IQSEC1: variants seen among roughly 807,000 people sequenced by gnomAD.
The protein encoded by IQSEC1 is IQ motif and Sec7 domain ArfGEF 1, also known as IQ motif and SEC7 domain-containing protein 1.
A neutral mutation model predicts 91.0 loss-of-function variants in IQSEC1; 31 were observed. The observed-to-expected ratio is 0.34, with a 90% CI of 0.26 to 0.46. The LOEUF (loss-of-function observed/expected upper bound fraction) is 0.46, where lower values mean the gene tolerates loss of function less well. Ranked by LOEUF, IQSEC1 falls within the 20% of genes least tolerant of loss-of-function variation. The pLI is 1.00. For synonymous variants in IQSEC1, 699 were observed against 662.6 expected (o/e 1.05, Z -0.84); for missense variants, 1,388 against 1,575.6 (o/e 0.88, Z 2.02).
At position 12,915,696 on chromosome 3, in the gene IQSEC1, C is replaced by T. The variant is rs759232967; in HGVS notation, c.2058G>A (p.Leu686=). 1.2e-6 allele frequency: 2 copies of T among 1,614,144 alleles called. No individual in the cohort carries two copies. The highest frequency in any genetic ancestry group is 1.7e-6 in the Non-Finnish European group (2 of 1,179,994). The change falls in exon 7 of 14, where the codon CTG becomes CTA. Residue 686 remains leucine, a synonymous_variant. Coordinates refer to ENST00000613206, the MANE Select transcript of IQSEC1 (RefSeq NM_001134382.3). ...DDGEDIPREM[L]MGIYERIRKR... is the part of the protein sequence containing the mutation. ...TACGGATCCGTTCATAGATCCCCAT[C>T]AGCATCTCACGGGGAATGTCCTCAC...
At chr3:12,914,587 T>G (rs1575884153) in intron 8 of IQSEC1, among the ~76,000 whole-genome samples, 1 of 149,890 alleles carries the variant, frequency 6.7e-6, no homozygotes, top group Non-Finnish European at 1.5e-5. Context: ...CTGGGGAGGG[T>G]GAGGGCAGGC....
intron 1 of IQSEC1, among the ~76,000 whole-genome samples, chr3:13,053,874 A>G (rs2125069929): frequency 6.6e-6 from 1 of 152,358 alleles, no homozygotes; most frequent in South Asian, 2.1e-4. Flanking sequence ...GAAACACAAC[A>G]AGGAAAATAA....
intron 1 of IQSEC1, among the ~76,000 whole-genome samples, chr3:13,065,766 C>T (rs1173891942): frequency 2.0e-5 from 3 of 152,300 alleles, no homozygotes; most frequent in South Asian, 2.1e-4. Context: ...ACCAGGGACT[C>T]GGAGAGGTAT....
intron 1 of IQSEC1, among the ~76,000 whole-genome samples, chr3:13,010,624 T>G (rs1320042078): frequency 6.6e-6 from 1 of 152,206 alleles, no homozygotes; most frequent in Non-Finnish European, 1.5e-5. Context: ...AAGCCCTGTC[T>G]GTTTCAGAAA....
Position 12,899,156 on chromosome 3 carries a change from CGAGGGTGGGAG to C in IQSEC1, c.*1816_*1826del, listed in dbSNP as rs1693952328. Reference sequence around the variant, plus strand: ...GGTACGGTGATCTCAATGATATGACCGAGGGTGGGAGGGATGTGAGGAGGGAAATCGGCAAA... The same window carrying C: ...GGTACGGTGATCTCAATGATATGACCGGATGTGAGGAGGGAAATCGGCAAA... On this transcript the variant is annotated 3_prime_UTR_variant, in exon 14 of 14. Transcript: ENST00000613206. 3 of 570,350 alleles carry C rather than the reference CGAGGGTGGGAG, an allele frequency of 5.3e-6. No homozygotes were observed. Among genetic ancestry groups the C allele is most frequent in the Non-Finnish European group, 9.5e-6 (3 of 317,340 alleles). The allele number at this position is 570,350 out of a possible 1,614,324, so 35.3% of individuals were successfully genotyped here. A position where few individuals can be genotyped will look rare whatever the true frequency, so the allele number is the denominator to read the frequency against.
At chr3:13,191,803 G>A (rs1468931510) in intron 1 of IQSEC1, among the ~76,000 whole-genome samples, 2 of 152,174 alleles carry the variant, frequency 1.3e-5, no homozygotes, top group Non-Finnish European at 2.9e-5. Context: ...AGGTTTTGCA[G>A]TCCTTCTTTC....
At chr3:12,997,783 T>C (rs1702277436) in intron 1 of IQSEC1, among the ~76,000 whole-genome samples, 1 of 152,200 alleles carries the variant, frequency 6.6e-6, no homozygotes, top group South Asian at 2.1e-4. Flanking sequence ...GTCCAATTAA[T>C]TTGACCAGGT....
chr3:13,193,723 A>G lies in IQSEC1; in HGVS notation c.273-29590T>C, dbSNP rs936910696. On this transcript the variant is annotated intron_variant, in intron 1 of 15. Coordinates refer to the IQSEC1 transcript ENST00000648114. The surrounding 1 kb of genome is among the most constrained non-coding windows in gnomAD (Gnocchi z 4.2). The stretch of plus-strand genomic sequence containing the variant: ...TCAGAGCTTAAGCCTCCCTCCTCCA[A>G]CGGGCTCTCCCTGGACACATGCTGT... 2.0e-5 allele frequency among the ~76,000 whole-genome samples: 3 copies of G among 152,074 alleles called. No individual in the cohort carries two copies. Among genetic ancestry groups the G allele is most frequent in the African/African-American group, 7.2e-5 (3 of 41,404 alleles).
intron 1 of IQSEC1, among the ~76,000 whole-genome samples, chr3:13,175,062 A>G (rs1325375169): frequency 2.6e-5 from 4 of 151,776 alleles, no homozygotes; most frequent in African/African-American, 9.7e-5. Context: ...CCTCACACAT[A>G]CCCAGACCCA....
chr3:12,988,730 T>C (rs1701856414), intron 1 of IQSEC1, among the ~76,000 whole-genome samples: 1 of 152,202 alleles, frequency 6.6e-6, no homozygotes. Flanking sequence ...TCTTGACCCA[T>C]GCAGTGGTCA....
intron 1 of IQSEC1, among the ~76,000 whole-genome samples, chr3:13,021,464 G>A (rs943440264): frequency 6.6e-6 from 1 of 152,256 alleles, no homozygotes; most frequent in Non-Finnish European, 1.5e-5. Flanking sequence ...ATCTTAGTGT[G>A]TATTACCTCA....
Position 12,940,835 on chromosome 3 carries a change from G to C in IQSEC1, c.318+736C>G, listed in dbSNP as rs1036743453. On this transcript the variant is annotated intron_variant, in intron 2 of 13. Transcript: ENST00000613206. This position sits in a 1 kb window ranked among gnomAD's most constrained non-coding sequence, Gnocchi z 4.4. ...CCTGCACTTGGAGGGACTTGGAAGCGAGAGCTCTTGGCCTCCCCAGGGACC... is the reference window on the plus strand; with the variant it reads ...CCTGCACTTGGAGGGACTTGGAAGCCAGAGCTCTTGGCCTCCCCAGGGACC... 6.6e-6 allele frequency among the ~76,000 whole-genome samples: 1 copy of C among 152,202 alleles called. No individual in the cohort carries two copies. The highest frequency in any genetic ancestry group is 6.5e-5 in the Admixed American group (1 of 15,290).
chr3:13,149,501 G>A (rs1362035304), intron 2 of IQSEC1, among the ~76,000 whole-genome samples: 1 of 152,130 alleles, frequency 6.6e-6, no homozygotes, highest in Non-Finnish European at 1.5e-5. Flanking sequence ...AGTGCGAGGG[G>A]CACTGCAAGC....
chr3:13,213,041 C>T (rs939277118), intron 1 of IQSEC1, among the ~76,000 whole-genome samples: 3 of 152,172 alleles, frequency 2.0e-5, no homozygotes, highest in African/African-American at 7.2e-5. Context: ...GAAGCATAAA[C>T]GTTTTTAACT....
At chr3:13,269,231 G>A (rs982935645) in intron 1 of IQSEC1, among the ~76,000 whole-genome samples, 1 of 152,198 alleles carries the variant, frequency 6.6e-6, no homozygotes, top group Non-Finnish European at 1.5e-5. Flanking sequence ...AGGGCAGGAC[G>A]ACAGCCAGGC....
chr3:12,947,476 C>T (rs116145239), intron 1 of IQSEC1, among the ~76,000 whole-genome samples: 3,111 of 152,008 alleles, frequency 0.02, 113 homozygotes, highest in African/African-American at 0.072. Flanking sequence ...TTCCCCACCC[C>T]GGGGATCACC....
intron 1 of IQSEC1, among the ~76,000 whole-genome samples, chr3:13,168,771 T>C (rs1020119088): frequency 6.6e-6 from 1 of 152,216 alleles, no homozygotes; most frequent in Non-Finnish European, 1.5e-5. Flanking sequence ...CTCCATCTTC[T>C]AATTCAGATT....
chr3:12,932,417 TA>T (rs2125277679), intron 3 of IQSEC1, among the ~76,000 whole-genome samples: 1 of 152,340 alleles, frequency 6.6e-6, no homozygotes, highest in African/African-American at 2.4e-5. Flanking sequence ...GTGACGTCCC[TA>T]GTCGTCTACC....
intron 1 of IQSEC1, among the ~76,000 whole-genome samples, chr3:13,261,151 C>T (rs1695378887): frequency 2.0e-5 from 3 of 152,230 alleles, no homozygotes; most frequent in East Asian, 1.9e-4. Context: ...GCCGCCCAGG[C>T]GCCCTCCAGG....
Sources: gnomAD v4.1 joint callset for allele counts (sites outside exome capture counted in the v4.1 genomes callset) on GRCh38, gnomAD v4.1.1 for gene constraint, Gnocchi (gnomAD v3.1) non-coding constraint, MANE v1.5 for transcripts, NCBI Gene and HGNC (gene_info 2026-07-23, HGNC 2026-07-21) for gene names.